The following FLVCR1 variants were observed in gnomAD, a reference collection of about 807,000 sequenced individuals.
FLVCR1 encodes the protein FLVCR choline and heme transporter 1.
A neutral mutation model predicts 53.6 loss-of-function variants in FLVCR1; 34 were observed. The observed-to-expected ratio is 0.63, with a 90% CI of 0.48 to 0.84. FLVCR1 has a LOEUF of 0.84. Ranked by LOEUF, FLVCR1 falls within the 40% of genes least tolerant of loss-of-function variation. FLVCR1 has a pLI of 0.00. For missense variants in FLVCR1, 677 were observed against 696.7 expected (o/e 0.97, Z 0.32); for synonymous variants, 300 against 286.3 (o/e 1.05, Z -0.48).
Position 212,868,566 on chromosome 1 carries a change from C to T in FLVCR1, c.884-4112C>T, listed in dbSNP as rs1042052140. 1.3e-4 allele frequency among the ~76,000 whole-genome samples: 20 copies of T among 152,268 alleles called. No homozygotes were observed. The Middle Eastern group carries it at 0.01, about 78-fold the overall frequency. On this transcript the variant is annotated intron_variant, in intron 2 of 9. Transcript: ENST00000366971. The stretch of plus-strand genomic sequence containing the variant: ...CTGGAATTACAGGCGTGCACCACCA[C>T]ACCCGGCTAATTTTGTATTTTTAGT...
chr1:212,880,662 TTGG>T (rs1232290619), intron 3 of FLVCR1, among the ~76,000 whole-genome samples: 3 of 151,994 alleles, frequency 2.0e-5, no homozygotes, highest in African/African-American at 7.3e-5. Flanking sequence ...GCCAGGTGTG[TTGG>T]TGGGCACCTG....
chr1:212,885,309 C>T lies in FLVCR1; in HGVS notation c.1109C>T (p.Ala370Val). 8 of 1,613,820 alleles carry T rather than the reference C, an allele frequency of 5.0e-6. No homozygotes were observed. The highest frequency in any genetic ancestry group is 6.8e-6 in the Non-Finnish European group (8 of 1,179,830). Reference protein sequence around the residue: ...LTYYEGEEVNAGRIGLTLVVA... With the variant: ...LTYYEGEEVNVGRIGLTLVVA... ...TTTTTTCAGGGAGAAGAAGTCAATG[C>T]TGGAAGGATTGGGCTAACGCTAGTA... The change falls in exon 5 of 10, where the codon GCT becomes GTT. Residue 370 changes from alanine to valine, a missense_variant. Transcript: ENST00000366971.
At position 212,896,260 on chromosome 1, in the gene FLVCR1, TATA is replaced by T. The variant is rs558024094; in HGVS notation, c.*975_*977del. On this transcript the variant is annotated 3_prime_UTR_variant, in exon 10 of 10. Coordinates refer to ENST00000366971, the MANE Select transcript of FLVCR1 (RefSeq NM_014053.4). ...TGAAGATTCCTGAAATAAGGAAATC[TATA>T]ATAACTTCAGATAGCCTACATGTCC... The T allele has an allele frequency of 2.1e-3, 322 of 152,336 alleles. 1 individual carries two copies. The highest frequency in any genetic ancestry group is 7.2e-3 in the African/African-American group (299 of 41,566). The allele number at this position is 152,336 out of a possible 1,614,324, so 9.4% of individuals were successfully genotyped here.
At chr1:212,891,507 ATTACTT>A (rs1665193472) in intron 8 of FLVCR1, among the ~76,000 whole-genome samples, 1 of 152,218 alleles carries the variant, frequency 6.6e-6, no homozygotes, top group South Asian at 2.1e-4. Flanking sequence ...CCTCCTTCAA[ATTACTT>A]TTACAAGAGA....
At position 212,895,324 on chromosome 1, in the gene FLVCR1, G is replaced by T; in HGVS notation, c.*34G>T. On this transcript the variant is annotated 3_prime_UTR_variant, in exon 10 of 10. Coordinates refer to ENST00000366971, the MANE Select transcript of FLVCR1 (RefSeq NM_014053.4). ...GCAAAGTTACTGTCCTGTAGTAATTGGGGACAATGTGATCATCCTTGGAGA... is the reference window on the plus strand; with the variant it reads ...GCAAAGTTACTGTCCTGTAGTAATTTGGGACAATGTGATCATCCTTGGAGA... 6.7e-7 allele frequency: 1 copy of T among 1,488,466 alleles called. No individual in the cohort carries two copies. 92.2% of individuals were successfully genotyped at this position (1,488,466 alleles called of 1,614,324 possible). A position where few individuals can be genotyped will look rare whatever the true frequency, so the allele number is the denominator to read the frequency against.
chr1:212,868,405 A>C (rs1393515934), intron 2 of FLVCR1, among the ~76,000 whole-genome samples: 1 of 151,670 alleles, frequency 6.6e-6, no homozygotes, highest in African/African-American at 2.4e-5. Context: ...GATATCTATA[A>C]ACTTTATTTT....
chr1:212,890,132 C>T (rs1007171537), intron 8 of FLVCR1, among the ~76,000 whole-genome samples: 2 of 152,204 alleles, frequency 1.3e-5, no homozygotes, highest in Non-Finnish European at 2.9e-5. Context: ...AAATAGTGCT[C>T]AATCTCCAGA....
At chr1:212,890,290 T>G (rs991434904) in intron 8 of FLVCR1, among the ~76,000 whole-genome samples, 1 of 152,186 alleles carries the variant, frequency 6.6e-6, no homozygotes, top group Non-Finnish European at 1.5e-5. Flanking sequence ...TTACATTGTA[T>G]TAGGTATTAG....
chr1:212,894,217 G>A (rs906007681), intron 8 of FLVCR1, among the ~76,000 whole-genome samples: 13 of 151,476 alleles, frequency 8.6e-5, no homozygotes, highest in South Asian at 2.1e-4. Flanking sequence ...GCAGTGGTGC[G>A]ATCTCTGCTC....
At chr1:212,890,181 C>T (rs1364667598) in intron 8 of FLVCR1, among the ~76,000 whole-genome samples, 1 of 152,182 alleles carries the variant, frequency 6.6e-6, no homozygotes, top group Non-Finnish European at 1.5e-5. Context: ...ATAGTTTGCC[C>T]ATGCACATGG....
chr1:212,863,364 G>C lies in FLVCR1; in HGVS notation c.739-361G>C, dbSNP rs566844458. On this transcript the variant is annotated intron_variant, in intron 1 of 9. Transcript: ENST00000366971. ...CCCAGCACTTTGGGAGGCCGAGGCG[G>C]GCGGATCATGAGGTCAGGAGTTCGA... Among the ~76,000 whole-genome samples, 7 of 152,136 alleles carry C rather than the reference G, an allele frequency of 4.6e-5. No individual in the cohort carries two copies. The South Asian group carries it at 1.4e-3, about 31-fold the overall frequency.
chr1:212,874,685 C>T (rs972156807), intron 3 of FLVCR1, among the ~76,000 whole-genome samples: 1 of 151,774 alleles, frequency 6.6e-6, no homozygotes, highest in Non-Finnish European at 1.5e-5. Context: ...CATGCCACCA[C>T]GCCCAGCTAA....
intron 3 of FLVCR1, among the ~76,000 whole-genome samples, chr1:212,879,974 ATT>A (rs34468539): frequency 3.0e-4 from 45 of 148,846 alleles, no homozygotes; most frequent in South Asian, 4.2e-4. Flanking sequence ...ATAACATAGT[ATT>A]TTTTTTTTTT....
chr1:212,890,940 G>GTTTC (rs904015212), intron 8 of FLVCR1, among the ~76,000 whole-genome samples: 4 of 152,114 alleles, frequency 2.6e-5, no homozygotes, highest in African/African-American at 9.7e-5. Flanking sequence ...AATGCACTCT[G>GTTTC]TTTCCTCAAA....
chr1:212,867,369 G>T (rs141315657), intron 2 of FLVCR1, among the ~76,000 whole-genome samples: 1 of 152,304 alleles, frequency 6.6e-6, no homozygotes, highest in Non-Finnish European at 1.5e-5. Flanking sequence ...CTTACTACAT[G>T]CTGTATCTCA....
At chr1:212,874,940 C>CACACACACACAG (rs1195411527) in intron 3 of FLVCR1, among the ~76,000 whole-genome samples, 3 of 152,044 alleles carry the variant, frequency 2.0e-5, no homozygotes, top group South Asian at 4.2e-4. Flanking sequence ...CACACACACA[C>CACACACACACAG]AGACACATCT....
At chr1:212,877,545 T>C (rs1692178) in intron 3 of FLVCR1, among the ~76,000 whole-genome samples, 123,694 of 152,116 alleles carry the variant, frequency 0.81, 50,428 homozygotes, top group East Asian at 1. Flanking sequence ...TTGTTCATGT[T>C]CTTTGCCCAC....
chr1:212,873,836 A>C (rs1284741655), intron 3 of FLVCR1, among the ~76,000 whole-genome samples: 1 of 152,160 alleles, frequency 6.6e-6, no homozygotes, highest in Non-Finnish European at 1.5e-5. Flanking sequence ...CCGGACCTAA[A>C]CTATTTTTAT....
At chr1:212,859,270 A>G (rs559821743) in intron 1 of FLVCR1, 80 bp downstream of exon 1, 1 of 1,588,340 alleles carries the variant, frequency 6.3e-7, no homozygotes, top group East Asian at 2.2e-5. Context: ...TATGGCCTGT[A>G]TGGATGAACT....
Sources: gnomAD v4.1 joint callset for allele counts (sites outside exome capture counted in the v4.1 genomes callset) on GRCh38, gnomAD v4.1.1 for gene constraint, MANE v1.5 for transcripts, NCBI Gene and HGNC (gene_info 2026-07-23, HGNC 2026-07-21) for gene names.